Variants in ASAP2 observed in about 807,000 individuals in gnomAD.
ASAP2 encodes arf-GAP with SH3 domain, ANK repeat and PH domain-containing protein 2.
ASAP2 carries 45 observed loss-of-function variants against 131.4 expected under a neutral mutation model. The observed-to-expected ratio is 0.34, with a 90% CI of 0.27 to 0.44. ASAP2 has a LOEUF of 0.44. Ranked by LOEUF, ASAP2 falls within the 20% of genes least tolerant of loss-of-function variation. The pLI is 1.00. For missense variants in ASAP2, 1,011 were observed against 1,297.0 expected (o/e 0.78, Z 3.39); for synonymous variants, 510 against 503.0 (o/e 1.01, Z -0.19).
At chr2:9,310,901 C>T (rs749587714) in intron 3 of ASAP2, among the ~76,000 whole-genome samples, 6 of 152,372 alleles carry the variant, frequency 3.9e-5, no homozygotes, top group Non-Finnish European at 7.3e-5. Context: ...TCAGCTGTGA[C>T]ATTAGCATAA....
At chr2:9,350,461 G>A (rs774594103) in intron 11 of ASAP2, 12 of 188,388 alleles carry the variant, frequency 6.4e-5, no homozygotes, top group South Asian at 1.9e-4. Context: ...CTGTGTTGTC[G>A]GTAGGAATCA....
chr2:9,261,734 C>A (rs1378111031), intron 1 of ASAP2, among the ~76,000 whole-genome samples: 1 of 152,224 alleles, frequency 6.6e-6, no homozygotes, highest in Non-Finnish European at 1.5e-5. Flanking sequence ...TCTGGCTGGA[C>A]TGCCACATGC....
At chr2:9,277,790 A>G (rs1666852186) in intron 1 of ASAP2, among the ~76,000 whole-genome samples, 2 of 152,162 alleles carry the variant, frequency 1.3e-5, no homozygotes, top group South Asian at 2.1e-4. Flanking sequence ...GTATAATGAC[A>G]TGATTATAAC....
At chr2:9,258,187 C>T (rs1665296174) in intron 1 of ASAP2, among the ~76,000 whole-genome samples, 1 of 151,428 alleles carries the variant, frequency 6.6e-6, no homozygotes, top group African/African-American at 2.4e-5. Context: ...TTAAAAATTA[C>T]CTTTGGCCAG....
intron 21 of ASAP2, 53 bp from the exon 22 acceptor site, chr2:9,388,241 C>G: frequency 6.2e-7 from 1 of 1,603,140 alleles, no homozygotes; most frequent in Non-Finnish European, 8.5e-7. Context: ...ATGTTATCAC[C>G]AGGAGCAGTT....
chr2:9,318,901 A>C (rs369600575), intron 4 of ASAP2, among the ~76,000 whole-genome samples: 6 of 152,186 alleles, frequency 3.9e-5, no homozygotes, highest in African/African-American at 1.2e-4. Context: ...GGGAGCAGGG[A>C]AACCTGTGGG....
At chr2:9,363,497 C>T (rs780248116) in intron 15 of ASAP2, among the ~76,000 whole-genome samples, 24 of 152,140 alleles carry the variant, frequency 1.6e-4, no homozygotes, top group Non-Finnish European at 7.4e-5. Flanking sequence ...GTGAGATGAT[C>T]GTGGTTTTAA....
In ASAP2 at chr2:9,374,897, G is replaced by T. The variant is rs1458815828; in HGVS notation, c.1699G>T (p.Ala567Ser). 1 of 1,613,612 alleles carries T rather than the reference G, an allele frequency of 6.2e-7. No homozygotes were observed. The highest frequency in any genetic ancestry group is 1.3e-5 in the African/African-American group (1 of 74,764). Reference protein sequence around the residue: ...RDIFGLLQAYADGVDLTEKIP... With the variant: ...RDIFGLLQAYSDGVDLTEKIP... ...TATTTTTGGATTGCTCCAAGCTTAT[G>T]CTGATGGTGTGGATCTTACGGAAAA... The change falls in exon 17 of 28, where the codon GCT (alanine) becomes TCT (serine). Residue 567 changes from alanine to serine, a missense_variant. Transcript: ENST00000281419.
intron 3 of ASAP2, among the ~76,000 whole-genome samples, chr2:9,308,196 A>C (rs1437443733): frequency 6.6e-6 from 1 of 152,242 alleles, no homozygotes; most frequent in African/African-American, 2.4e-5. Context: ...TAGAGGAAGC[A>C]TGGCAGCATC....
intron 1 of ASAP2, among the ~76,000 whole-genome samples, chr2:9,220,743 TAC>T (rs887843331): frequency 6.6e-6 from 1 of 152,244 alleles, no homozygotes; most frequent in Admixed American, 6.5e-5. Context: ...GGTTGCATAA[TAC>T]AGTCACAAAG....
chr2:9,209,022 T>A (rs1661348118), intron 1 of ASAP2, among the ~76,000 whole-genome samples: 1 of 152,220 alleles, frequency 6.6e-6, no homozygotes, highest in Non-Finnish European at 1.5e-5. Flanking sequence ...TTAATTTTAG[T>A]TTACAGTGTA....
rs2148831930 is a variant in ASAP2 at position 9,401,311 on chromosome 2, A to G, written c.2861A>G (p.Asn954Ser). 6.2e-7 allele frequency: 1 copy of G among 1,613,350 alleles called. No homozygotes were observed. The highest frequency in any genetic ancestry group is 1.3e-5 in the African/African-American group (1 of 74,940). The change falls in exon 27 of 28, where the codon AAC (asparagine) becomes AGC (serine). Residue 954 changes from asparagine (N) to serine (S), a missense_variant. Coordinates refer to ENST00000281419, the MANE Select transcript of ASAP2 (RefSeq NM_003887.3). ...LKPKRVKALY[N>S]CVADNPDELT... Reference sequence around the variant, plus strand: ...CCTAAGCGGGTGAAAGCGCTCTATAACTGTGTGGCTGACAACCCCGATGAG... The same window carrying G: ...CCTAAGCGGGTGAAAGCGCTCTATAGCTGTGTGGCTGACAACCCCGATGAG...
At chr2:9,359,690 G>A (rs916080642) in intron 15 of ASAP2, among the ~76,000 whole-genome samples, 1 of 152,206 alleles carries the variant, frequency 6.6e-6, no homozygotes, top group African/African-American at 2.4e-5. Flanking sequence ...AGTCTTGACA[G>A]AAAATCAATA....
chr2:9,351,044 A>G (rs1672300134), intron 12 of ASAP2, 149 bp downstream of exon 12: 5 of 595,476 alleles, frequency 8.4e-6, no homozygotes, highest in Non-Finnish European at 1.1e-5. Context: ...TTTGTGTTCC[A>G]TTAGTAACTG....
intron 15 of ASAP2, among the ~76,000 whole-genome samples, chr2:9,363,222 A>C (rs757664991): frequency 1.3e-5 from 2 of 152,204 alleles, no homozygotes; most frequent in Admixed American, 1.3e-4. Flanking sequence ...TTGATTCCCT[A>C]TCTCGACTAT....
chr2:9,391,050 G>C lies in ASAP2; in HGVS notation c.2384-12G>C. On this transcript the variant is annotated splice_polypyrimidine_tract_variant and intron_variant, in intron 22 of 27. Coordinates refer to ENST00000281419, the MANE Select transcript of ASAP2 (RefSeq NM_003887.3). ...TGCGTGCATGCGTCTGTGTGCATGC[G>C]TGTGGGTTCAGTTCAGACAGCCTCC... 1 of 1,614,190 alleles carries C rather than the reference G, an allele frequency of 6.2e-7. No homozygotes were observed. The highest frequency in any genetic ancestry group is 8.5e-7 in the Non-Finnish European group (1 of 1,180,052).
At chr2:9,224,186 A>G (rs1418787176) in intron 1 of ASAP2, among the ~76,000 whole-genome samples, 2 of 152,066 alleles carry the variant, frequency 1.3e-5, no homozygotes, top group African/African-American at 4.8e-5. Flanking sequence ...GGAAGGGAGG[A>G]TTGCCTAGTG....
chr2:9,281,296 A>C lies in ASAP2; in HGVS notation c.199+1907A>C, dbSNP rs1475102400. Among the ~76,000 whole-genome samples the C allele has an allele frequency of 6.6e-6, 1 of 152,232 alleles. No individual in the cohort carries two copies. The highest frequency in any genetic ancestry group is 1.5e-5 in the Non-Finnish European group (1 of 68,044). The stretch of plus-strand genomic sequence containing the variant: ...GAAATAATCTGTGTCTTATGCAAAC[A>C]CTGGCTGTGTAGCTGCTGCTCGTCT... On this transcript the variant is annotated intron_variant, in intron 2 of 27. Transcript: ENST00000281419. The surrounding 1 kb of genome is among the most constrained non-coding windows in gnomAD (Gnocchi z 4.0).
intron 15 of ASAP2, among the ~76,000 whole-genome samples, chr2:9,359,128 T>C (rs1460036772): frequency 1.3e-5 from 2 of 152,136 alleles, no homozygotes; most frequent in African/African-American, 4.8e-5. Flanking sequence ...AACAGGAGCA[T>C]TGAGAGTGGT....
Sources: allele counts gnomAD v4.1 joint callset (sites outside exome capture counted in the v4.1 genomes callset), GRCh38; gene constraint gnomAD v4.1.1; non-coding constraint Gnocchi (gnomAD v3.1); transcripts MANE v1.5; gene names NCBI Gene and HGNC (gene_info 2026-07-23, HGNC 2026-07-21).